MSR1: variants seen among roughly 807,000 people sequenced by gnomAD.
MSR1 encodes macrophage scavenger receptor 1.
A neutral mutation model predicts 47.2 loss-of-function variants in MSR1; 53 were observed. That is an observed-to-expected ratio of 1.12 (90% CI 0.90 to 1.41). The LOEUF (loss-of-function observed/expected upper bound fraction) is 1.41, where lower values mean the gene tolerates loss of function less well. Among genes scored for constraint, MSR1 ranks in the 40% most tolerant of loss-of-function variants. MSR1 has a pLI of 0.00. For synonymous variants in MSR1, 239 were observed against 185.6 expected, an observed-to-expected ratio of 1.29 and a Z score of -2.34; for missense variants, 786 against 546.9, an observed-to-expected ratio of 1.44 and a Z score of -4.36.
At chr8:16,128,685 T>C (rs1431969214) in intron 8 of MSR1, among the ~76,000 whole-genome samples, 1 of 152,176 alleles carries the variant, frequency 6.6e-6, no homozygotes. Flanking sequence ...GCATATAAAC[T>C]TAAAAATACA....
chr8:16,175,053 T>A (rs1332178666), intron 3 of MSR1, 134 bp downstream of exon 3: 1 of 727,572 alleles, frequency 1.4e-6, no homozygotes, highest in East Asian at 2.7e-5. Context: ...TTAACAAATT[T>A]GAAGGACACT....
In MSR1 at chr8:16,130,144, G is replaced by C. The variant is rs149506257; in HGVS notation, c.1034-9538C>G. Reference sequence around the variant, plus strand: ...CTGGGATAGGGACTAAGCAGGACAAGTGCTAACTGCTGGATCCATAATTGA... The same window carrying C: ...CTGGGATAGGGACTAAGCAGGACAACTGCTAACTGCTGGATCCATAATTGA... On this transcript the variant is annotated intron_variant, in intron 8 of 9. Transcript: ENST00000262101. 1.7e-3 allele frequency among the ~76,000 whole-genome samples: 253 copies of C among 152,320 alleles called. 2 individuals carry two copies. Among genetic ancestry groups the C allele is most frequent in the African/African-American group, 5.7e-3 (239 of 41,586 alleles).
chr8:16,122,145 T>G (rs917328196), intron 8 of MSR1, among the ~76,000 whole-genome samples: 26 of 152,220 alleles, frequency 1.7e-4, no homozygotes, highest in Admixed American at 1.6e-3. Context: ...CATGCCTGAG[T>G]GGATAAGTCC....
intron 5 of MSR1, among the ~76,000 whole-genome samples, chr8:16,158,398 C>A (rs1801068605): frequency 6.6e-6 from 1 of 151,842 alleles, no homozygotes; most frequent in Non-Finnish European, 1.5e-5. Flanking sequence ...TATCATAGAA[C>A]AAAATTACAC....
At chr8:16,159,768 G>C (rs1801112003) in intron 5 of MSR1, among the ~76,000 whole-genome samples, 1 of 151,824 alleles carries the variant, frequency 6.6e-6, no homozygotes, top group Non-Finnish European at 1.5e-5. Context: ...TCTTGTGAGA[G>C]AATACTTAAT....
intron 8 of MSR1, chr8:16,140,420 C>A (rs989922989): frequency 1.0e-6 from 1 of 985,348 alleles, no homozygotes; most frequent in Non-Finnish European, 1.2e-6. Flanking sequence ...TTTTTCCTAT[C>A]ATTGTATGAG....
At chr8:16,129,035 A>G (rs1800193946) in intron 8 of MSR1, among the ~76,000 whole-genome samples, 1 of 152,130 alleles carries the variant, frequency 6.6e-6, no homozygotes, top group African/African-American at 2.4e-5. Flanking sequence ...AAGATGTTTT[A>G]TAATAAAACA....
In MSR1 at chr8:16,120,509, A is replaced by G; in HGVS notation, c.1131T>C (p.Asp377=). ...HSGQWGTICD[D]RWEVRVGQVV... is the part of the protein sequence containing the mutation. Reference sequence around the variant, plus strand: ...CCTGTCCAACGCGCACTTCCCAGCGATCGTCACAAATTGTACCCCACTGGC... The same window carrying G: ...CCTGTCCAACGCGCACTTCCCAGCGGTCGTCACAAATTGTACCCCACTGGC... The change falls in exon 9 of 10, where the codon GAT becomes GAC. Residue 377 remains aspartate, a synonymous_variant. Transcript: ENST00000262101. 1.9e-6 allele frequency: 3 copies of G among 1,613,606 alleles called. No homozygotes were observed. Among genetic ancestry groups the G allele is most frequent in the Non-Finnish European group, 8.5e-7 (1 of 1,179,882 alleles).
intron 4 of MSR1, 76 bp from the exon 5 acceptor site, chr8:16,164,327 G>A (rs972236924): frequency 4.0e-5 from 51 of 1,283,826 alleles, no homozygotes; most frequent in Admixed American, 1.5e-4. Context: ...AGAAACCCTC[G>A]GAGTTCAGGT....
chr8:16,114,959 C>T (rs1374398032), intron 9 of MSR1, among the ~76,000 whole-genome samples: 3 of 152,026 alleles, frequency 2.0e-5, no homozygotes, highest in South Asian at 2.1e-4. Flanking sequence ...GGGTGGATCT[C>T]GTGCGGTCAG....
chr8:16,175,408 A>G (rs1277477697), intron 2 of MSR1, 108 bp from the exon 3 acceptor site: 1 of 917,098 alleles, frequency 1.1e-6, no homozygotes, highest in Non-Finnish European at 1.7e-6. Flanking sequence ...CTATTGGAAT[A>G]AAAAAGAAGA....
chr8:16,182,985 T>A (rs149701330), intron 1 of MSR1, among the ~76,000 whole-genome samples: 1 of 152,144 alleles, frequency 6.6e-6, no homozygotes, highest in Admixed American at 6.6e-5. Context: ...ACCACAAATA[T>A]GTGAGTAATG....
intron 7 of MSR1, among the ~76,000 whole-genome samples, chr8:16,145,632 T>C (rs1203969857): frequency 6.6e-6 from 1 of 152,170 alleles, no homozygotes; most frequent in Non-Finnish European, 1.5e-5. Flanking sequence ...ATTAGTTTCA[T>C]GTTTTTATTT....
At chr8:16,121,241 C>A in intron 8 of MSR1, 1 of 384,434 alleles carries the variant, frequency 2.6e-6, no homozygotes, top group Non-Finnish European at 5.1e-6. Flanking sequence ...GATAAAAAAT[C>A]AGACAATTTT....
intron 1 of MSR1, among the ~76,000 whole-genome samples, chr8:16,190,968 G>A (rs1483883231): frequency 6.6e-6 from 1 of 151,994 alleles, no homozygotes; most frequent in Non-Finnish European, 1.5e-5. Flanking sequence ...TAATCCACCT[G>A]CCTTGGCCTC....
At chr8:16,162,341 T>A (rs1016413452) in intron 5 of MSR1, among the ~76,000 whole-genome samples, 1 of 151,876 alleles carries the variant, frequency 6.6e-6, no homozygotes, top group Admixed American at 6.6e-5. Flanking sequence ...GAAAATGAAA[T>A]CAGAAGGTTT....
At chr8:16,141,081 T>C (rs996670439) in intron 8 of MSR1, 2 of 1,608,570 alleles carry the variant, frequency 1.2e-6, no homozygotes, top group African/African-American at 2.7e-5. Context: ...TAATTATTTT[T>C]AACATATTTT....
At chr8:16,166,793 C>G (rs997649471) in intron 4 of MSR1, among the ~76,000 whole-genome samples, 3 of 152,064 alleles carry the variant, frequency 2.0e-5, no homozygotes, top group African/African-American at 7.2e-5. Context: ...CACTTATAAC[C>G]TATTTCCTCA....
chr8:16,125,902 G>T (rs1800117867), intron 8 of MSR1, among the ~76,000 whole-genome samples: 1 of 152,028 alleles, frequency 6.6e-6, no homozygotes. Context: ...AAGGTGATGT[G>T]ATTACAGGTA....
Sources: gnomAD v4.1 joint callset for allele counts (sites outside exome capture counted in the v4.1 genomes callset) on GRCh38, gnomAD v4.1.1 for gene constraint, MANE v1.5 for transcripts, NCBI Gene and HGNC (gene_info 2026-07-23, HGNC 2026-07-21) for gene names.